MYO16: variants seen among roughly 807,000 people sequenced by gnomAD.
MYO16 encodes myosin XVI, also known as unconventional myosin-XVI.
Under a neutral mutation model 205.3 loss-of-function variants are expected in MYO16, and 94 were observed. The observed-to-expected ratio is 0.46, with a 90% CI of 0.39 to 0.54. The LOEUF is 0.54. MYO16 is among the 20% of genes least tolerant of loss of function. The pLI is 0.00. For synonymous variants in MYO16, 988 were observed against 954.0 expected (o/e 1.04, Z -0.66); for missense variants, 2,315 against 2,387.5 (o/e 0.97, Z 0.63).
At chr13:109,029,151 G>C (rs1463123404) in intron 23 of MYO16, among the ~76,000 whole-genome samples, 1 of 58,016 alleles carries the variant, frequency 1.7e-5, no homozygotes, top group East Asian at 6.0e-4. Context: ...TTTTGCTCTT[G>C]TTGCCCAGGC....
chr13:109,160,461 C>T (rs377125566), intron 32 of MYO16, among the ~76,000 whole-genome samples: 3 of 152,222 alleles, frequency 2.0e-5, no homozygotes, highest in African/African-American at 4.8e-5. Context: ...AAAATAGCAC[C>T]GAGCCCGAGG....
chr13:108,776,818 CAG>C (rs1886138993), intron 4 of MYO16, among the ~76,000 whole-genome samples: 1 of 152,220 alleles, frequency 6.6e-6, no homozygotes, highest in Non-Finnish European at 1.5e-5. Context: ...GAATTAAAGA[CAG>C]AGAGGGCAAG....
intron 32 of MYO16, among the ~76,000 whole-genome samples, chr13:109,155,711 C>T (rs183729112): frequency 3.3e-5 from 5 of 152,114 alleles, no homozygotes; most frequent in Non-Finnish European, 7.4e-5. Flanking sequence ...ATCTGTTGCA[C>T]GTTTTCAAAA....
chr13:108,708,000 C>T (rs570034970), intron 2 of MYO16, among the ~76,000 whole-genome samples: 57 of 152,210 alleles, frequency 3.7e-4, no homozygotes, highest in African/African-American at 1.3e-3. Flanking sequence ...ACCCTCCATC[C>T]GGTCACATTC....
chr13:108,746,940 AAAGAT>A (rs1424557552), intron 4 of MYO16, among the ~76,000 whole-genome samples: 4 of 151,554 alleles, frequency 2.6e-5, no homozygotes, highest in African/African-American at 9.8e-5. Flanking sequence ...ATAGAAGAAA[AAAGAT>A]AAGAATCACA....
chr13:108,986,482 T>C (rs951460563), intron 20 of MYO16, among the ~76,000 whole-genome samples: 18 of 151,850 alleles, frequency 1.2e-4, no homozygotes, highest in South Asian at 2.1e-4. Context: ...ATTAGCTGTG[T>C]GTGGTGGCAC....
At chr13:108,560,928 T>TC in the MYO16 span, among the ~76,000 whole-genome samples, 1 of 152,204 alleles carries the variant, frequency 6.6e-6, no homozygotes, top group Non-Finnish European at 1.5e-5. Flanking sequence ...TTTTTAGCAC[T>TC]CCATTGTTAT....
chr13:108,921,424 GCT>G lies in MYO16; in HGVS notation c.1925+11279_1925+11280del, dbSNP rs370849825. 2.0e-3 allele frequency among the ~76,000 whole-genome samples: 304 copies of G among 152,310 alleles called. 2 individuals are homozygous for G. The highest frequency in any genetic ancestry group is 6.9e-3 in the African/African-American group (288 of 41,570). ...CATTCTTACACATGATACATAAAAT[GCT>G]CTCTTATCAGTGTGTTCCATATGCA... is the stretch of plus-strand genomic sequence containing the variant. On this transcript the variant is annotated intron_variant, in intron 16 of 34. Transcript: ENST00000457511.
intron 1 of MYO16, among the ~76,000 whole-genome samples, chr13:108,663,593 A>G (rs1401341861): frequency 1.3e-5 from 2 of 152,234 alleles, no homozygotes; most frequent in East Asian, 3.8e-4. Context: ...AAGGAAAATA[A>G]GAAAATTGAT....
chr13:109,146,302 A>G lies in MYO16; in HGVS notation c.5164+4926A>G, dbSNP rs375755721. Among the ~76,000 whole-genome samples, 19 of 152,366 alleles carry G rather than the reference A, an allele frequency of 1.2e-4. 1 individual carries two copies. The highest frequency in any genetic ancestry group is 3.8e-4 in the African/African-American group (16 of 41,590). On this transcript the variant is annotated intron_variant, in intron 32 of 34. Transcript: ENST00000457511. ...ATTTTATAAACAATTTTTTTACAATATACTTTTATTCCATAGGGCCATTTG... is the reference window on the plus strand; with the variant it reads ...ATTTTATAAACAATTTTTTTACAATGTACTTTTATTCCATAGGGCCATTTG...
chr13:108,839,399 A>C lies in MYO16; in HGVS notation c.1098-4944A>C, dbSNP rs373679075. 2.0e-5 allele frequency among the ~76,000 whole-genome samples: 3 copies of C among 152,114 alleles called. No homozygotes were observed. In the East Asian group the frequency reaches 5.8e-4, roughly 29 times the overall value. On this transcript the variant is annotated intron_variant, in intron 9 of 34. Coordinates refer to ENST00000457511, the MANE Select transcript of MYO16 (RefSeq NM_001198950.3). Reference sequence around the variant, plus strand: ...GCTATGAAATTTTTATGAGCATTATAAGCCTTTTCTTTTCATAGTAATTTT... The same window carrying C: ...GCTATGAAATTTTTATGAGCATTATCAGCCTTTTCTTTTCATAGTAATTTT...
chr13:108,949,865 C>A (rs1306460350), intron 16 of MYO16, among the ~76,000 whole-genome samples: 1 of 151,962 alleles, frequency 6.6e-6, no homozygotes, highest in Non-Finnish European at 1.5e-5. Flanking sequence ...CAGAAATAGA[C>A]TCACACAAAT....
chr13:108,755,656 C>A (rs1885399939), intron 4 of MYO16, among the ~76,000 whole-genome samples: 1 of 151,438 alleles, frequency 6.6e-6, no homozygotes, highest in African/African-American at 2.4e-5. Context: ...TATTTAACTT[C>A]AAAAAAATGA....
intron 20 of MYO16, among the ~76,000 whole-genome samples, chr13:108,991,810 A>G (rs1034333374): frequency 6.6e-6 from 1 of 152,260 alleles, no homozygotes; most frequent in African/African-American, 2.4e-5. Context: ...AAGAAGTCCA[A>G]CCTAAGGAGA....
intron 33 of MYO16, among the ~76,000 whole-genome samples, chr13:109,167,970 G>A (rs1034491099): frequency 6.6e-6 from 1 of 152,040 alleles, no homozygotes; most frequent in African/African-American, 2.4e-5. Context: ...AACTAAAAAG[G>A]CAGTAAAATT....
At chr13:108,497,811 T>A in the MYO16 span, among the ~76,000 whole-genome samples, 2 of 152,198 alleles carry the variant, frequency 1.3e-5, no homozygotes, top group African/African-American at 4.8e-5. Flanking sequence ...GGGTCATGAA[T>A]GTAATCTGTG....
chr13:108,924,506 G>T (rs1399391745), intron 16 of MYO16, among the ~76,000 whole-genome samples: 1 of 152,204 alleles, frequency 6.6e-6, no homozygotes, highest in Non-Finnish European at 1.5e-5. Context: ...TCAATAGGAA[G>T]AAATGATCAT....
upstream of MYO16, among the ~76,000 whole-genome samples, chr13:108,594,642 G>A (rs1441422542): frequency 2.0e-5 from 3 of 152,170 alleles, no homozygotes; most frequent in African/African-American, 7.2e-5. Context: ...CGGCACTTCG[G>A]TGCTGGATAA....
At chr13:108,696,892 T>C (rs1233442680) in intron 2 of MYO16, among the ~76,000 whole-genome samples, 1 of 152,068 alleles carries the variant, frequency 6.6e-6, no homozygotes, top group Non-Finnish European at 1.5e-5. Context: ...CTCAAAGGTT[T>C]CAATTGCTGT....
Sources: allele counts gnomAD v4.1 joint callset (sites outside exome capture counted in the v4.1 genomes callset), GRCh38; gene constraint gnomAD v4.1.1; transcripts MANE v1.5; gene names NCBI Gene and HGNC (gene_info 2026-07-23, HGNC 2026-07-21).